Variants in NF1 observed in about 807,000 individuals in gnomAD.
NF1 encodes the protein neurofibromin.
In NF1, 122 loss-of-function variants were observed where a neutral mutation model predicts 325.7. That is an observed-to-expected ratio of 0.37 (90% CI 0.32 to 0.44). NF1 has a LOEUF of 0.44. Among genes scored for constraint, NF1 ranks in the 20% least tolerant of loss-of-function variants. The probability of loss-of-function intolerance (pLI) is 1.00; values close to 1 mark genes in which losing one functional copy is unlikely to be tolerated. For missense variants in NF1, 2,140 were observed against 3,415.4 expected, an observed-to-expected ratio of 0.63 and a Z score of 9.31; for synonymous variants, 1,091 against 1,186.0, an observed-to-expected ratio of 0.92 and a Z score of 1.65.
chr17:31,266,233 A>T (rs1017263821), intron 36 of NF1, among the ~76,000 whole-genome samples: 43 of 152,208 alleles, frequency 2.8e-4, no homozygotes, highest in African/African-American at 9.9e-4. Context: ...ATTGTTAGTC[A>T]GCTTGCTGGC....
chr17:31,255,391 A>G (rs572476061), intron 31 of NF1, among the ~76,000 whole-genome samples: 1 of 152,242 alleles, frequency 6.6e-6, no homozygotes, highest in South Asian at 2.1e-4. Context: ...ATGAGGTAAA[A>G]TTACATTGAT....
chr17:31,223,150 T>G (rs1480443458), intron 15 of NF1, among the ~76,000 whole-genome samples: 2 of 152,210 alleles, frequency 1.3e-5, no homozygotes, highest in Non-Finnish European at 1.5e-5. Context: ...TGTGGTTTAT[T>G]GTTTCTTCTT....
At chr17:31,362,222 C>G in intron 57 of NF1, 5 of 763,172 alleles carry the variant, frequency 6.6e-6, no homozygotes, top group Non-Finnish European at 8.0e-6. Flanking sequence ...TGCTTCTGGT[C>G]TTGCCCATTA....
intron 36 of NF1, among the ~76,000 whole-genome samples, chr17:31,293,035 G>A (rs1488864130): frequency 6.6e-6 from 1 of 151,570 alleles, no homozygotes; most frequent in Non-Finnish European, 1.5e-5. Flanking sequence ...AAAATTAGTC[G>A]AGCGTGGTGG....
At chr17:31,150,112 G>A (rs1916829160) in intron 1 of NF1, among the ~76,000 whole-genome samples, 1 of 152,116 alleles carries the variant, frequency 6.6e-6, no homozygotes, top group Non-Finnish European at 1.5e-5. Context: ...AAATGCTTGG[G>A]ACCAGAAGTG....
intron 1 of NF1, among the ~76,000 whole-genome samples, chr17:31,153,656 C>T (rs1333072969): frequency 6.6e-6 from 1 of 152,182 alleles, no homozygotes; most frequent in Non-Finnish European, 1.5e-5. Flanking sequence ...CAGGATCTCG[C>T]TCTGTTGCCC....
At chr17:31,228,488 C>G (rs2067054479) in intron 20 of NF1, among the ~76,000 whole-genome samples, 1 of 152,156 alleles carries the variant, frequency 6.6e-6, no homozygotes, top group Non-Finnish European at 1.5e-5. Flanking sequence ...GTGTCCAATT[C>G]AGTGACTGTT....
intron 35 of NF1, among the ~76,000 whole-genome samples, chr17:31,263,675 G>A (rs1235503509): frequency 1.3e-5 from 2 of 151,018 alleles, no homozygotes; most frequent in Admixed American, 6.6e-5. Flanking sequence ...AATATACTTA[G>A]CATAGTATCT....
chr17:31,328,881 G>A (rs2069412447), intron 38 of NF1, among the ~76,000 whole-genome samples: 4 of 152,166 alleles, frequency 2.6e-5, no homozygotes, highest in Admixed American at 2.6e-4. Flanking sequence ...TGTATGCTTT[G>A]CTTCCTTTAT....
At chr17:31,189,214 A>G (rs919143805) in intron 8 of NF1, among the ~76,000 whole-genome samples, 4 of 152,006 alleles carry the variant, frequency 2.6e-5, no homozygotes, top group African/African-American at 9.7e-5. Flanking sequence ...TTGATTTGTA[A>G]GGGTATATGT....
rs568766287 is a variant in NF1, at chr17:31,309,127, G to T, written c.4836-16693G>T. ...CAGTTTGCCTGATGTTATACCACTC[G>T]AAGTGACAGATTGGGAGTTTGTACC... On this transcript the variant is annotated intron_variant, in intron 36 of 57. Transcript: ENST00000358273. Among the ~76,000 whole-genome samples, 18 of 152,316 alleles carry T rather than the reference G, an allele frequency of 1.2e-4. No individual in the cohort carries two copies. In the South Asian group the frequency reaches 3.7e-3, roughly 32 times the overall value.
chr17:31,135,339 C>T (rs1031076098), intron 1 of NF1, among the ~76,000 whole-genome samples: 5 of 152,168 alleles, frequency 3.3e-5, no homozygotes, highest in African/African-American at 1.2e-4. Context: ...TCTTAGTCCA[C>T]TCCAGTTTTC....
intron 36 of NF1, among the ~76,000 whole-genome samples, chr17:31,301,659 A>G (rs536108971): frequency 1.3e-5 from 2 of 152,316 alleles, no homozygotes; most frequent in Admixed American, 6.5e-5. Flanking sequence ...TTGGTCCTAT[A>G]TTAGTGAAAA....
At chr17:31,141,012 G>T (rs887178275) in intron 1 of NF1, among the ~76,000 whole-genome samples, 1 of 152,152 alleles carries the variant, frequency 6.6e-6, no homozygotes. Flanking sequence ...AAGAAGTCTG[G>T]AGAGCTTATG....
At chr17:31,235,558 C>G (rs2151437569) in intron 27 of NF1, 53 bp from the exon 28 acceptor site, 1 of 1,607,484 alleles carries the variant, frequency 6.2e-7, no homozygotes, top group Non-Finnish European at 8.5e-7. Context: ...AGCTTCCTAC[C>G]TAAGAATAAA....
chr17:31,304,195 A>G, intron 36 of NF1: 1 of 1,435,340 alleles, frequency 7.0e-7, no homozygotes, highest in Non-Finnish European at 9.4e-7. Context: ...CATTTTATAT[A>G]TGTTAACATA....
At chr17:31,312,339 G>T (rs2068898246) in intron 36 of NF1, among the ~76,000 whole-genome samples, 1 of 151,796 alleles carries the variant, frequency 6.6e-6, no homozygotes. Context: ...GTGAAACCCC[G>T]TTTCTACTAA....
intron 7 of NF1, among the ~76,000 whole-genome samples, chr17:31,182,030 A>G (rs1223223584): frequency 6.6e-6 from 1 of 152,196 alleles, no homozygotes; most frequent in African/African-American, 2.4e-5. Context: ...GAGCTGTGAT[A>G]GGATGGGGTG....
intron 8 of NF1, among the ~76,000 whole-genome samples, chr17:31,196,847 T>G (rs1036139907): frequency 2.6e-5 from 4 of 152,200 alleles, no homozygotes; most frequent in African/African-American, 9.6e-5. Flanking sequence ...TGGTCATATG[T>G]GTGAGGGTTT....
Sources: allele counts gnomAD v4.1 joint callset (sites outside exome capture counted in the v4.1 genomes callset), GRCh38; gene constraint gnomAD v4.1.1; transcripts MANE v1.5; gene names NCBI Gene and HGNC (gene_info 2026-07-23, HGNC 2026-07-21).